RNF150: variants seen among roughly 807,000 people sequenced by gnomAD.
The protein encoded by RNF150 is ring finger protein 150.
In RNF150, 24 loss-of-function variants were observed where a neutral mutation model predicts 39.3. The ratio of observed to expected loss-of-function variants is 0.61; its 90% confidence interval spans 0.44 to 0.86. The LOEUF is 0.86. Ranked by LOEUF, RNF150 falls within the 40% of genes least tolerant of loss-of-function variation. The pLI, the probability that RNF150 is intolerant of heterozygous loss-of-function variation, is 0.00. For missense variants in RNF150, 502 were observed against 587.8 expected, an observed-to-expected ratio of 0.85 and a Z score of 1.51; for synonymous variants, 255 against 227.3, an observed-to-expected ratio of 1.12 and a Z score of -1.10.
At chr4:140,873,781 T>A (rs535320878) in intron 6 of RNF150, among the ~76,000 whole-genome samples, 3 of 152,238 alleles carry the variant, frequency 2.0e-5, no homozygotes, top group Middle Eastern at 3.4e-3. Context: ...GCTCAAGCCA[T>A]CCTCCCACCT....
At chr4:140,896,845 A>G (rs1297758277) in intron 6 of RNF150, among the ~76,000 whole-genome samples, 3 of 151,856 alleles carry the variant, frequency 2.0e-5, no homozygotes, top group Admixed American at 2.0e-4. Context: ...TGTGTAGGTC[A>G]CACATCAGGT....
intron 2 of RNF150, among the ~76,000 whole-genome samples, chr4:140,953,446 C>G (rs1401005439): frequency 6.6e-6 from 1 of 151,902 alleles, no homozygotes; most frequent in Non-Finnish European, 1.5e-5. Context: ...AAGGGCAGAA[C>G]AGATGGTCCA....
chr4:141,118,736 G>C (rs887330588), intron 1 of RNF150, among the ~76,000 whole-genome samples: 1 of 152,080 alleles, frequency 6.6e-6, no homozygotes, highest in Non-Finnish European at 1.5e-5. Context: ...TGAGATACGT[G>C]TTTTTCTGTT....
intron 1 of RNF150, among the ~76,000 whole-genome samples, chr4:141,031,088 A>G (rs1238435383): frequency 6.6e-6 from 1 of 152,024 alleles, no homozygotes; most frequent in African/African-American, 2.4e-5. Flanking sequence ...TGTAGCTCCA[A>G]CTAATAATTA....
intron 1 of RNF150, among the ~76,000 whole-genome samples, chr4:141,025,876 TG>T (rs1735676334): frequency 6.6e-6 from 1 of 152,190 alleles, no homozygotes; most frequent in Non-Finnish European, 1.5e-5. Flanking sequence ...ATTTTTATGT[TG>T]AAACCTGAAT....
intron 2 of RNF150, among the ~76,000 whole-genome samples, chr4:140,965,846 T>C (rs1484454455): frequency 3.9e-5 from 6 of 152,058 alleles, no homozygotes; most frequent in Non-Finnish European, 4.4e-5. Flanking sequence ...GTAAAATGAC[T>C]ACAGCTAAAA....
At chr4:141,161,116 G>A (rs1171296535) in intron 1 of RNF150, among the ~76,000 whole-genome samples, 1 of 152,186 alleles carries the variant, frequency 6.6e-6, no homozygotes, top group Non-Finnish European at 1.5e-5. Context: ...TTAAATGGTT[G>A]TGACCGAAGC....
intron 1 of RNF150, among the ~76,000 whole-genome samples, chr4:141,071,332 T>C (rs1218276833): frequency 2.6e-5 from 4 of 151,520 alleles, no homozygotes; most frequent in African/African-American, 7.3e-5. Flanking sequence ...TGTATACATA[T>C]GTAACTAACC....
rs70946722 is a variant in RNF150, at chr4:140,999,977, A to AGAAGAAGAAGAAG, written c.485-32105_485-32104insCTTCTTCTTCTTC. Among the ~76,000 whole-genome samples, 7 of 34,700 alleles carry AGAAGAAGAAGAAG rather than the reference A, an allele frequency of 2.0e-4. 1 individual carries two copies. Among genetic ancestry groups the AGAAGAAGAAGAAG allele is most frequent in the South Asian group, 2.6e-3 (2 of 764 alleles). The allele number at this position is 34,700 out of a possible 152,430, so 22.8% of individuals were successfully genotyped here. ...AAGAAGAAGAAGAAGAAGAAGAAGA[A>AGAAGAAGAAGAAG]AAGAAGAAAAGAAGAAAAGAAGAAG... On this transcript the variant is annotated intron_variant, in intron 1 of 6. Transcript: ENST00000515673.
intron 5 of RNF150, among the ~76,000 whole-genome samples, chr4:140,919,935 G>A (rs75254921): frequency 0.55 from 83,795 of 151,874 alleles, 23,631 homozygotes; most frequent in East Asian, 0.89. Flanking sequence ...AAGCAAGGGG[G>A]AAAGGATTCC....
At chr4:141,107,723 C>A (rs1460330048) in intron 1 of RNF150, among the ~76,000 whole-genome samples, 1 of 152,136 alleles carries the variant, frequency 6.6e-6, no homozygotes, top group East Asian at 1.9e-4. Context: ...CTGTATACTA[C>A]CCTCCTCTCC....
At chr4:140,919,137 G>A (rs1170767162) in intron 5 of RNF150, among the ~76,000 whole-genome samples, 1 of 143,868 alleles carries the variant, frequency 7.0e-6, no homozygotes, top group Admixed American at 7.1e-5. Context: ...AGACAGGGAT[G>A]CCCTCTCTCA....
At chr4:141,203,076 T>TATACAC (rs369790675) in intron 1 of RNF150, among the ~76,000 whole-genome samples, 4 of 133,030 alleles carry the variant, frequency 3.0e-5, no homozygotes, top group African/African-American at 1.2e-4. Context: ...TATATATATA[T>TATACAC]ACACACATAT....
At chr4:141,117,469 G>A (rs895579036) in intron 1 of RNF150, among the ~76,000 whole-genome samples, 3 of 151,996 alleles carry the variant, frequency 2.0e-5, no homozygotes, top group African/African-American at 4.8e-5. Context: ...AAAAGAAATA[G>A]GCTATAACCT....
intron 4 of RNF150, among the ~76,000 whole-genome samples, chr4:140,930,819 C>A (rs1731601681): frequency 6.6e-6 from 1 of 152,210 alleles, no homozygotes. Context: ...CCATTCTGTT[C>A]TGTGCTGAGA....
intron 1 of RNF150, among the ~76,000 whole-genome samples, chr4:141,014,891 G>A (rs1041987203): frequency 9.2e-5 from 14 of 152,040 alleles, no homozygotes; most frequent in South Asian, 4.2e-4. Flanking sequence ...AAAAATCATT[G>A]CCTAGACCAA....
chr4:141,014,403 T>C (rs769980353), intron 1 of RNF150, among the ~76,000 whole-genome samples: 11 of 152,232 alleles, frequency 7.2e-5, no homozygotes, highest in Non-Finnish European at 1.5e-4. Flanking sequence ...TTTTAGTTTT[T>C]TGAGGAACCT....
At chr4:140,909,519 G>T (rs1180650053) in intron 6 of RNF150, among the ~76,000 whole-genome samples, 1 of 151,754 alleles carries the variant, frequency 6.6e-6, no homozygotes, top group East Asian at 1.9e-4. Context: ...TCTGAAACAT[G>T]CTGTAAGTGT....
chr4:141,211,849 C>A (rs1261968013), intron 1 of RNF150, among the ~76,000 whole-genome samples: 1 of 152,096 alleles, frequency 6.6e-6, no homozygotes, highest in Non-Finnish European at 1.5e-5. Flanking sequence ...ACTGAAAAAA[C>A]CTCATTCCAT....
Sources: allele counts gnomAD v4.1 joint callset (sites outside exome capture counted in the v4.1 genomes callset), GRCh38; gene constraint gnomAD v4.1.1; transcripts MANE v1.5; gene names NCBI Gene and HGNC (gene_info 2026-07-23, HGNC 2026-07-21).